Variants in ITPR2 observed in about 807,000 individuals in gnomAD.
The protein encoded by ITPR2 is inositol 1,4,5-trisphosphate-gated calcium channel ITPR2.
A neutral mutation model predicts 317.1 loss-of-function variants in ITPR2; 207 were observed. The observed-to-expected ratio is 0.65, with a 90% CI of 0.58 to 0.73. The LOEUF is 0.73. Ranked by LOEUF, ITPR2 falls within the 30% of genes least tolerant of loss-of-function variation. ITPR2 has a pLI of 0.00. For synonymous variants in ITPR2, 1,156 were observed against 1,149.1 expected, an observed-to-expected ratio of 1.01 and a Z score of -0.12; for missense variants, 2,613 against 3,284.0, an observed-to-expected ratio of 0.80 and a Z score of 4.99.
At chr12:26,506,404 A>T (rs1943184643) in intron 37 of ITPR2, among the ~76,000 whole-genome samples, 1 of 150,876 alleles carries the variant, frequency 6.6e-6, no homozygotes, top group Admixed American at 6.6e-5. Flanking sequence ...AACTACTAGG[A>T]GGCTGAGGTG....
chr12:26,532,090 C>A (rs1943960773), intron 37 of ITPR2, among the ~76,000 whole-genome samples: 1 of 152,164 alleles, frequency 6.6e-6, no homozygotes, highest in Non-Finnish European at 1.5e-5. Context: ...TGACATGAGT[C>A]ATTTTCTTCC....
intron 13 of ITPR2, among the ~76,000 whole-genome samples, chr12:26,679,318 C>T (rs1947981329): frequency 6.6e-6 from 1 of 152,104 alleles, no homozygotes; most frequent in Non-Finnish European, 1.5e-5. Flanking sequence ...GGATTTTTTT[C>T]TAATTGACAG....
At chr12:26,525,741 T>C (rs1275550587) in intron 37 of ITPR2, among the ~76,000 whole-genome samples, 1 of 152,248 alleles carries the variant, frequency 6.6e-6, no homozygotes, top group Non-Finnish European at 1.5e-5. Context: ...CTCCCTACTA[T>C]GCCCTGTTCC....
At chr12:26,685,545 C>T (rs922470695) in intron 11 of ITPR2, among the ~76,000 whole-genome samples, 1 of 152,086 alleles carries the variant, frequency 6.6e-6, no homozygotes, top group Non-Finnish European at 1.5e-5. Flanking sequence ...TGCAGTGAGC[C>T]ATGATTGTGC....
intron 32 of ITPR2, among the ~76,000 whole-genome samples, chr12:26,593,655 T>C (rs528299106): frequency 4.6e-4 from 70 of 152,326 alleles, no homozygotes; most frequent in Non-Finnish European, 8.2e-4. Flanking sequence ...CAAGAAGATA[T>C]TGAAATTCCC....
chr12:26,534,408 C>T (rs558247560), intron 37 of ITPR2, among the ~76,000 whole-genome samples: 7 of 152,184 alleles, frequency 4.6e-5, no homozygotes, highest in Middle Eastern at 3.4e-3. Flanking sequence ...ATCCCTGATA[C>T]GGCCCTTGAA....
chr12:26,439,102 A>C, intron 47 of ITPR2, 25 bp downstream of exon 47: 20 of 1,468,794 alleles, frequency 1.4e-5, no homozygotes, highest in Non-Finnish European at 1.9e-5. Flanking sequence ...GCACAAAACT[A>C]ACCATTTCAG....
chr12:26,362,627 G>A (rs1938870840), intron 55 of ITPR2, among the ~76,000 whole-genome samples: 1 of 152,082 alleles, frequency 6.6e-6, no homozygotes, highest in Admixed American at 6.5e-5. Context: ...CAGTACTGCT[G>A]GGACTCCTTT....
intron 37 of ITPR2, among the ~76,000 whole-genome samples, chr12:26,505,072 T>C (rs1393913644): frequency 6.6e-6 from 1 of 152,180 alleles, no homozygotes; most frequent in Non-Finnish European, 1.5e-5. Flanking sequence ...ATGTTCTCAT[T>C]CTTCATTTGG....
In ITPR2 at chr12:26,469,893, G is replaced by A. The variant is rs573237988; in HGVS notation, c.6342+5403C>T. Among the ~76,000 whole-genome samples, 6 of 152,260 alleles carry A rather than the reference G, an allele frequency of 3.9e-5. No individual in the cohort carries two copies. The South Asian group carries it at 1.2e-3, about 32-fold the overall frequency. On this transcript the variant is annotated intron_variant, in intron 45 of 56. Transcript: ENST00000381340. ...TTGAATGATCTGCCAACTTTTAAAAGTTAGGAGATTCCACATTTTCACAAA... is the reference window on the plus strand; with the variant it reads ...TTGAATGATCTGCCAACTTTTAAAAATTAGGAGATTCCACATTTTCACAAA...
At chr12:26,438,816 C>G (rs1403119845) in intron 47 of ITPR2, among the ~76,000 whole-genome samples, 2 of 152,188 alleles carry the variant, frequency 1.3e-5, no homozygotes, top group African/African-American at 4.8e-5. Flanking sequence ...CATTCACGGA[C>G]TTCAAACCTG....
intron 35 of ITPR2, 149 bp downstream of exon 35, chr12:26,561,612 TA>T (rs1944820541): frequency 8.7e-6 from 5 of 575,250 alleles, no homozygotes; most frequent in Non-Finnish European, 1.4e-5. Context: ...GCTATATGTT[TA>T]AAAAGAGCAG....
intron 13 of ITPR2, among the ~76,000 whole-genome samples, chr12:26,668,828 T>G (rs907816702): frequency 6.6e-6 from 1 of 151,450 alleles, no homozygotes; most frequent in South Asian, 2.1e-4. Context: ...ATCTGAGAGA[T>G]AAAAATTATA....
At chr12:26,541,168 T>A (rs369208598) in intron 37 of ITPR2, among the ~76,000 whole-genome samples, 13,426 of 77,308 alleles carry the variant, frequency 0.17, 868 homozygotes, top group African/African-American at 0.24. Context: ...AAAAAAAAAA[T>A]TAGCTGGACA....
chr12:26,809,570 C>A (rs1473744536), intron 1 of ITPR2, among the ~76,000 whole-genome samples: 1 of 152,130 alleles, frequency 6.6e-6, no homozygotes, highest in Non-Finnish European at 1.5e-5. Flanking sequence ...GTGTGTATGA[C>A]CTTCTATCCA....
At chr12:26,471,981 T>C (rs1399537832) in intron 45 of ITPR2, among the ~76,000 whole-genome samples, 1 of 152,222 alleles carries the variant, frequency 6.6e-6, no homozygotes, top group East Asian at 1.9e-4. Flanking sequence ...TCTTAGGGAT[T>C]GGCCTGCTAA....
chr12:26,685,664 T>A (rs886432992), intron 11 of ITPR2, among the ~76,000 whole-genome samples: 2 of 152,186 alleles, frequency 1.3e-5, no homozygotes, highest in African/African-American at 4.8e-5. Context: ...TAAGATATTG[T>A]CTTACCTTAA....
At chr12:26,760,516 T>C (rs1470855403) in intron 2 of ITPR2, among the ~76,000 whole-genome samples, 4 of 80,042 alleles carry the variant, frequency 5.0e-5, no homozygotes, top group South Asian at 4.0e-4. Flanking sequence ...AGAAGTTTCA[T>C]AGCACCAACA....
At position 26,716,030 on chromosome 12, in the gene ITPR2, T is replaced by C. The variant is rs1173017947; in HGVS notation, c.624+114A>G. 1.1e-5 allele frequency: 8 copies of C among 760,418 alleles called. No individual in the cohort carries two copies. In the Admixed American group the frequency reaches 2.1e-4, roughly 20 times the overall value. The allele number at this position is 760,418 out of a possible 1,614,324, so 47.1% of individuals were successfully genotyped here. Reference sequence around the variant, plus strand: ...GCTATATGTACCTTAGGGATATTAATTAGAATAACTGGGATTATGCTCATG... The same window carrying C: ...GCTATATGTACCTTAGGGATATTAACTAGAATAACTGGGATTATGCTCATG... On this transcript the variant is annotated intron_variant, in intron 6 of 56. Transcript: ENST00000381340.
Sources: gnomAD v4.1 joint callset for allele counts (sites outside exome capture counted in the v4.1 genomes callset) on GRCh38, gnomAD v4.1.1 for gene constraint, MANE v1.5 for transcripts, NCBI Gene and HGNC (gene_info 2026-07-23, HGNC 2026-07-21) for gene names.